THRAP3: variants seen among roughly 807,000 people sequenced by gnomAD.
The protein encoded by THRAP3 is thyroid hormone receptor associated protein 3, also known as thyroid hormone receptor-associated protein 3.
THRAP3 carries 16 observed loss-of-function variants against 101.0 expected under a neutral mutation model. The observed-to-expected ratio is 0.16, with a 90% CI of 0.11 to 0.24. The LOEUF is 0.24. Ranked by LOEUF, THRAP3 falls within the 10% of genes least tolerant of loss-of-function variation. The pLI is 1.00. For missense variants in THRAP3, 989 were observed against 1,202.7 expected (o/e 0.82, Z 2.63); for synonymous variants, 407 against 422.6 (o/e 0.96, Z 0.45).
At chr1:36,237,726 A>G (rs975187389) in intron 1 of THRAP3, among the ~76,000 whole-genome samples, 4 of 152,046 alleles carry the variant, frequency 2.6e-5, no homozygotes, top group African/African-American at 9.7e-5. Flanking sequence ...ACCCAAGATC[A>G]TGCCACTGCA....
chr1:36,255,461 CTATT>C (rs1295812224), intron 1 of THRAP3, among the ~76,000 whole-genome samples: 1 of 151,520 alleles, frequency 6.6e-6, no homozygotes, highest in Middle Eastern at 3.4e-3. Flanking sequence ...GACCCTGTCT[CTATT>C]TAATTAAAAA....
rs1261613041 is a variant in THRAP3, at chr1:36,229,415, TTTTTTTTG to T, written c.-135+4918_-135+4925del. On this transcript the variant is annotated intron_variant, in intron 1 of 11. Transcript: ENST00000354618. ...CTGGTCTACAGTTTTTTTTTTTGTTTTTTTTTTGTTTTTTTTTTTTTGAGAATAAGTAG... is the reference window on the plus strand; with the variant it reads ...CTGGTCTACAGTTTTTTTTTTTGTTTTTTTTTTTTTTTTGAGAATAAGTAG... Among the ~76,000 whole-genome samples, 192 of 45,216 alleles carry T rather than the reference TTTTTTTTG, an allele frequency of 4.2e-3. 1 individual carries two copies. The East Asian group carries it at 0.25, about 59-fold the overall frequency. 29.7% of individuals were successfully genotyped at this position (45,216 alleles called of 152,430 possible).
At chr1:36,207,699 A>C in the THRAP3 span, among the ~76,000 whole-genome samples, 1 of 152,342 alleles carries the variant, frequency 6.6e-6, no homozygotes, top group African/African-American at 2.4e-5. Context: ...GGCTAGTAGC[A>C]ACAACCACCT....
chr1:36,237,468 CAA>C (rs1222944821), intron 1 of THRAP3, among the ~76,000 whole-genome samples: 7 of 50,960 alleles, frequency 1.4e-4, no homozygotes, highest in Non-Finnish European at 1.2e-4. Flanking sequence ...AACTTCATCT[CAA>C]AAAAAAAAAA....
chr1:36,273,560 G>A (rs1050546538), intron 2 of THRAP3, among the ~76,000 whole-genome samples: 1 of 152,166 alleles, frequency 6.6e-6, no homozygotes, highest in African/African-American at 2.4e-5. Context: ...ATTTACCATT[G>A]TGTACTAGAC....
chr1:36,274,283 T>A (rs113265664), intron 2 of THRAP3, among the ~76,000 whole-genome samples: 31 of 152,166 alleles, frequency 2.0e-4, no homozygotes, highest in Non-Finnish European at 4.1e-4. Context: ...TGAAACATTG[T>A]GGAAAGACAT....
chr1:36,213,910 A>T, the THRAP3 span, among the ~76,000 whole-genome samples: 1 of 18,028 alleles, frequency 5.5e-5, no homozygotes, highest in Admixed American at 4.9e-4. Context: ...AGAAGGAAAG[A>T]GAAAGAAAGA....
intron 1 of THRAP3, among the ~76,000 whole-genome samples, chr1:36,251,290 T>G (rs1645297511): frequency 6.6e-6 from 1 of 152,182 alleles, no homozygotes; most frequent in South Asian, 2.1e-4. Flanking sequence ...AAGTAGTCAT[T>G]ATGAGTTCTT....
intron 2 of THRAP3, among the ~76,000 whole-genome samples, chr1:36,270,571 G>GGGTTTTTTTTTTTTTTTTTTTTTT (rs1553121666): frequency 3.1e-5 from 1 of 31,906 alleles, no homozygotes; most frequent in African/African-American, 7.0e-5. Flanking sequence ...ATTTGTTTAG[G>GGGTTTTTTTTTTTTTTTTTTTTTT]TTTTTGTTTT....
rs1354326438 is a variant in THRAP3, at chr1:36,289,166, T to C, written c.1147T>C (p.Leu383=). The change falls in exon 5 of 12, where the codon TTG becomes CTG. Residue 383 remains leucine, a synonymous_variant. Transcript: ENST00000354618. ...KEKGSFSDTG[L]GDGKMKSDSF... The stretch of plus-strand genomic sequence containing the variant: ...GAAAGGGAGCTTCTCTGACACAGGC[T>C]TGGGTGATGGAAAAATGAAATCTGA... 5.1e-5 allele frequency: 82 copies of C among 1,613,958 alleles called. No homozygotes were observed. Among genetic ancestry groups the C allele is most frequent in the Non-Finnish European group, 6.9e-5 (81 of 1,180,014 alleles).
intron 8 of THRAP3, chr1:36,294,354 T>C: frequency 2.2e-6 from 1 of 445,146 alleles, no homozygotes; most frequent in Non-Finnish European, 3.0e-6. Context: ...GTAGACTGTT[T>C]TTAAACAGCT....
At chr1:36,263,787 A>G (rs931536140) in intron 2 of THRAP3, among the ~76,000 whole-genome samples, 3 of 152,204 alleles carry the variant, frequency 2.0e-5, no homozygotes, top group Non-Finnish European at 4.4e-5. Flanking sequence ...GAGTATCTCA[A>G]GTTGCTTACA....
intron 2 of THRAP3, among the ~76,000 whole-genome samples, chr1:36,270,625 T>A (rs555856690): frequency 6.1e-5 from 9 of 146,640 alleles, no homozygotes; most frequent in Non-Finnish European, 1.3e-4. Flanking sequence ...TTGCCCAGGC[T>A]GGAGTGCAGT....
chr1:36,303,926 A>T lies in THRAP3; in HGVS notation c.2777A>T (p.Lys926Met). The T allele has an allele frequency of 6.2e-7, 1 of 1,613,356 alleles. No homozygotes were observed. Among genetic ancestry groups the T allele is most frequent in the Non-Finnish European group, 8.5e-7 (1 of 1,179,712 alleles). The change falls in exon 12 of 12, where the codon AAG becomes ATG. Residue 926 changes from lysine (K) to methionine (M), a missense_variant. Lys to Met is a moderately conservative substitution (Grantham distance 95, BLOSUM62 -1). Coordinates refer to ENST00000354618, the MANE Select transcript of THRAP3 (RefSeq NM_005119.4). ...ACCAGCCCCAAGTGGGCCCATGACAAGTTCAGTGGGGAGGAAGGGGAGATT... is the reference window on the plus strand; with the variant it reads ...ACCAGCCCCAAGTGGGCCCATGACATGTTCAGTGGGGAGGAAGGGGAGATT... The part of the protein sequence containing the change: ...SSTSPKWAHD[K>M]FSGEEGEIED...
intron 11 of THRAP3, 148 bp from the exon 12 acceptor site, chr1:36,303,648 G>A: frequency 8.2e-7 from 1 of 1,217,958 alleles, no homozygotes; most frequent in South Asian, 1.5e-5. Context: ...TTTGGAGTGG[G>A]GGACAGGGAG....
intron 4 of THRAP3, chr1:36,288,312 T>C: frequency 5.7e-6 from 5 of 880,496 alleles, no homozygotes; most frequent in Non-Finnish European, 6.8e-6. Context: ...CCCCCTCCCA[T>C]CCTTCTCCTT....
chr1:36,261,552 T>TA (rs1465876036), intron 2 of THRAP3, among the ~76,000 whole-genome samples: 1 of 151,782 alleles, frequency 6.6e-6, no homozygotes, highest in East Asian at 1.9e-4. Context: ...AAAAATAAAA[T>TA]AAAAAATTAG....
intron 3 of THRAP3, among the ~76,000 whole-genome samples, chr1:36,284,460 T>A (rs1645770713): frequency 6.6e-6 from 1 of 152,242 alleles, no homozygotes; most frequent in South Asian, 2.1e-4. Flanking sequence ...TCAGTTTTTA[T>A]TTCTGGCTTA....
intron 1 of THRAP3, among the ~76,000 whole-genome samples, chr1:36,252,968 A>G (rs1187581813): frequency 7.5e-5 from 10 of 133,976 alleles, no homozygotes; most frequent in South Asian, 2.3e-4. Flanking sequence ...ATATATATAT[A>G]TAAATGTAAA....
Sources: allele counts gnomAD v4.1 joint callset (sites outside exome capture counted in the v4.1 genomes callset), GRCh38; gene constraint gnomAD v4.1.1; transcripts MANE v1.5; gene names NCBI Gene and HGNC (gene_info 2026-07-23, HGNC 2026-07-21).